The following CERKL variants were observed in gnomAD, a reference collection of about 807,000 sequenced individuals.
CERKL encodes the protein CERK like autophagy regulator.
In CERKL, 61 loss-of-function variants were observed where a neutral mutation model predicts 63.4. The ratio of observed to expected loss-of-function variants is 0.96; its 90% confidence interval spans 0.78 to 1.19. CERKL has a LOEUF of 1.19. CERKL is among the 50% of genes most tolerant of loss of function. CERKL has a pLI of 0.00. For missense variants in CERKL, 675 were observed against 655.5 expected, an observed-to-expected ratio of 1.03 and a Z score of -0.33; for synonymous variants, 250 against 230.5, an observed-to-expected ratio of 1.08 and a Z score of -0.77.
At chr2:181,582,635 A>C (rs144477297) in intron 2 of CERKL, among the ~76,000 whole-genome samples, 159 of 151,368 alleles carry the variant, frequency 1.1e-3, no homozygotes, top group African/African-American at 3.7e-3. Flanking sequence ...CCCTGGGTTC[A>C]AGTGATTCTC....
intron 1 of CERKL, among the ~76,000 whole-genome samples, chr2:181,607,393 C>T (rs1487500615): frequency 6.6e-6 from 1 of 152,216 alleles, no homozygotes; most frequent in Non-Finnish European, 1.5e-5. Flanking sequence ...TCATGCTTGT[C>T]ACAGACTGAA....
At chr2:181,599,925 A>C (rs1008751985) in intron 2 of CERKL, among the ~76,000 whole-genome samples, 1 of 152,178 alleles carries the variant, frequency 6.6e-6, no homozygotes, top group African/African-American at 2.4e-5. Context: ...TCAACACCAA[A>C]GAAAAAATAT....
At chr2:181,626,230 T>C (rs1243350753) in intron 1 of CERKL, among the ~76,000 whole-genome samples, 1 of 152,118 alleles carries the variant, frequency 6.6e-6, no homozygotes, top group African/African-American at 2.4e-5. Context: ...CTTTTTTTGA[T>C]GGATCTCTGA....
chr2:181,614,502 A>G (rs1686107906), intron 1 of CERKL, among the ~76,000 whole-genome samples: 1 of 152,224 alleles, frequency 6.6e-6, no homozygotes, highest in South Asian at 2.1e-4. Context: ...TTTATTTTCC[A>G]TATGAATCAC....
intron 2 of CERKL, among the ~76,000 whole-genome samples, chr2:181,581,564 A>G (rs1255363099): frequency 6.6e-6 from 1 of 152,216 alleles, no homozygotes; most frequent in East Asian, 1.9e-4. Flanking sequence ...ATAGGATGTC[A>G]TATTATTGAA....
chr2:181,628,391 G>C (rs931203529), intron 1 of CERKL, among the ~76,000 whole-genome samples: 6 of 152,296 alleles, frequency 3.9e-5, no homozygotes, highest in African/African-American at 1.4e-4. Context: ...AATACAGAAA[G>C]TACTGTTTTA....
chr2:181,636,887 C>A (rs1687202781), intron 1 of CERKL, among the ~76,000 whole-genome samples: 1 of 152,122 alleles, frequency 6.6e-6, no homozygotes, highest in South Asian at 2.1e-4. Context: ...AAGTTGCACA[C>A]AAAATAGATC....
chr2:181,572,371 T>C lies in CERKL; in HGVS notation c.613+1382A>G, dbSNP rs1254005314. On this transcript the variant is annotated intron_variant, in intron 3 of 12. Transcript: ENST00000410087. ...TATTCATCTCGCATCCTGCACTATG[T>C]TGAACACAGAGCAAGCATACAATGA... Among the ~76,000 whole-genome samples, 3 of 152,296 alleles carry C rather than the reference T, an allele frequency of 2.0e-5. No homozygotes were observed. In the East Asian group the frequency reaches 5.8e-4, roughly 29 times the overall value.
Position 181,537,262 on chromosome 2 carries a change from C to T in CERKL, c.*922G>A, listed in dbSNP as rs201701544. 3.1e-5 allele frequency: 14 copies of T among 453,510 alleles called. No individual in the cohort carries two copies. Among genetic ancestry groups the T allele is most frequent in the South Asian group, 1.6e-4 (10 of 64,438 alleles). The allele number at this position is 453,510 out of a possible 1,614,324, so 28.1% of individuals were successfully genotyped here. A position where few individuals can be genotyped will look rare whatever the true frequency, so the allele number is the denominator to read the frequency against. On this transcript the variant is annotated 3_prime_UTR_variant, in exon 13 of 13. Transcript: ENST00000410087. ...AAGGAAATTTACATTTGGTTCTTTC[C>T]TACTCAGAACTACTCAGAAACAACT... is the stretch of plus-strand genomic sequence containing the variant.
chr2:181,619,510 C>T (rs1054497006), intron 1 of CERKL, among the ~76,000 whole-genome samples: 2 of 152,178 alleles, frequency 1.3e-5, no homozygotes, highest in Non-Finnish European at 2.9e-5. Context: ...CATCTCTAAT[C>T]TCTGTATCCC....
intron 2 of CERKL, among the ~76,000 whole-genome samples, chr2:181,586,005 A>G (rs1574473443): frequency 6.6e-6 from 1 of 152,198 alleles, no homozygotes; most frequent in Admixed American, 6.5e-5. Context: ...CCAGGGGATG[A>G]CAACCAGTAA....
intron 1 of CERKL, among the ~76,000 whole-genome samples, chr2:181,618,672 A>G (rs1286081060): frequency 1.3e-5 from 2 of 152,188 alleles, no homozygotes; most frequent in Non-Finnish European, 2.9e-5. Flanking sequence ...TCGGCCTCGC[A>G]TAGTGTTGAG....
intron 4 of CERKL, among the ~76,000 whole-genome samples, chr2:181,562,236 C>G (rs1688480099): frequency 6.6e-6 from 1 of 152,158 alleles, no homozygotes; most frequent in Admixed American, 6.5e-5. Flanking sequence ...CATCTGTGAG[C>G]TCCCCTTCCC....
chr2:181,546,554 A>G (rs1045264653), intron 10 of CERKL, among the ~76,000 whole-genome samples: 3 of 152,202 alleles, frequency 2.0e-5, no homozygotes, highest in African/African-American at 7.2e-5. Context: ...TGGGTTTTCA[A>G]TATCGAAGTT....
At chr2:181,638,400 A>G (rs1687279505) in intron 1 of CERKL, among the ~76,000 whole-genome samples, 1 of 152,218 alleles carries the variant, frequency 6.6e-6, no homozygotes, top group African/African-American at 2.4e-5. Flanking sequence ...GCTATCAGAC[A>G]GCTGAGTGAA....
In CERKL at chr2:181,597,711, A is replaced by T. The variant is rs114746275; in HGVS notation, c.481+6126T>A. ...CACAAACTGAGATGGTGGTCACCAT[A>T]TTGCTTGTGCACCAGTGGTGGGCCT... is the stretch of plus-strand genomic sequence containing the variant. On this transcript the variant is annotated intron_variant, in intron 2 of 12. Transcript: ENST00000410087. 7.0e-3 allele frequency among the ~76,000 whole-genome samples: 1,063 copies of T among 152,232 alleles called. 17 individuals are homozygous for T. The highest frequency in any genetic ancestry group is 0.024 in the African/African-American group (1,010 of 41,540).
chr2:181,542,909 TG>T (rs1687573547), intron 11 of CERKL, among the ~76,000 whole-genome samples: 1 of 151,924 alleles, frequency 6.6e-6, no homozygotes, highest in Non-Finnish European at 1.5e-5. Flanking sequence ...TTTAAAAAAA[TG>T]AAGAAGAAGA....
chr2:181,605,936 G>A (rs1324147213), intron 1 of CERKL, among the ~76,000 whole-genome samples: 1 of 151,872 alleles, frequency 6.6e-6, no homozygotes, highest in African/African-American at 2.4e-5. Context: ...ATTCTCAGGG[G>A]CATTTTTGGC....
intron 3 of CERKL, among the ~76,000 whole-genome samples, chr2:181,572,634 C>A (rs1235670698): frequency 7.5e-6 from 1 of 133,706 alleles, no homozygotes; most frequent in African/African-American, 3.1e-5. Context: ...TCTAAATAAG[C>A]CGAAGGTCAC....
Sources: gnomAD v4.1 joint callset for allele counts (sites outside exome capture counted in the v4.1 genomes callset) on GRCh38, gnomAD v4.1.1 for gene constraint, MANE v1.5 for transcripts, NCBI Gene and HGNC (gene_info 2026-07-23, HGNC 2026-07-21) for gene names.